Variants in DCUN1D1 observed in about 807,000 individuals in gnomAD.
DCUN1D1 encodes the protein DCN1-like protein 1.
In DCUN1D1, 3 loss-of-function variants were observed where a neutral mutation model predicts 39.0. The observed-to-expected ratio is 0.08, with a 90% confidence interval of 0.04 to 0.20. DCUN1D1 has a LOEUF of 0.20. DCUN1D1 is among the 10% of genes least tolerant of loss of function. The pLI is 1.00. For synonymous variants in DCUN1D1, 82 were observed against 96.3 expected (o/e 0.85, Z 0.87); for missense variants, 158 against 302.4 (o/e 0.52, Z 3.54).
chr3:182,971,686 T>C (rs960545088), intron 1 of DCUN1D1, among the ~76,000 whole-genome samples: 2 of 152,152 alleles, frequency 1.3e-5, no homozygotes, highest in Non-Finnish European at 1.5e-5. Context: ...CCAGGCACTG[T>C]GCTAGGTACT....
chr3:182,973,300 C>T (rs1728043257), intron 1 of DCUN1D1, among the ~76,000 whole-genome samples: 1 of 152,192 alleles, frequency 6.6e-6, no homozygotes, highest in South Asian at 2.1e-4. Context: ...ATCATGCTAA[C>T]TCAGAACAAC....
At chr3:182,975,343 A>AT (rs1382767298) in intron 1 of DCUN1D1, among the ~76,000 whole-genome samples, 4 of 151,686 alleles carry the variant, frequency 2.6e-5, no homozygotes, top group Non-Finnish European at 5.9e-5. Flanking sequence ...CATCCAGCTA[A>AT]TTTTTTGTAT....
At chr3:182,965,397 T>C in intron 2 of DCUN1D1, 140 bp downstream of exon 2, 1 of 506,528 alleles carries the variant, frequency 2.0e-6, no homozygotes. Context: ...TCAGACCTCT[T>C]GAAATAACTC....
In DCUN1D1 at chr3:182,941,065, A is replaced by C. The variant is rs993461623; in HGVS notation, c.*4029T>G. On this transcript the variant is annotated 3_prime_UTR_variant, in exon 7 of 7. Coordinates refer to ENST00000292782, the MANE Select transcript of DCUN1D1 (RefSeq NM_020640.4). ...AGGAAACACTGAACCTAGTCAAATA[A>C]ATGAGTTGGTGAGCAAGAAATGCTA... The C allele has an allele frequency of 1.1e-4, 16 of 152,202 alleles. No individual in the cohort carries two copies. Among genetic ancestry groups the C allele is most frequent in the Non-Finnish European group, 1.3e-4 (9 of 68,018 alleles). The allele number at this position is 152,202 out of a possible 1,614,324, so 9.4% of individuals were successfully genotyped here. A position where few individuals can be genotyped will look rare whatever the true frequency, so the allele number is the denominator to read the frequency against.
Position 182,947,555 on chromosome 3 carries a change from A to C in DCUN1D1, c.598T>G (p.Leu200Val). The change falls in exon 5 of 7, where the codon TTG becomes GTG. Residue 200 changes from leucine (L) to valine (V), a missense_variant. This residue lies in a region of DCUN1D1 where 25 missense variants were observed against 26.3 expected (regional missense o/e 0.95). Transcript: ENST00000292782. ...FKFLDLWNKFLLEHHKRSIPK... is the reference protein window; with the variant it reads ...FKFLDLWNKFVLEHHKRSIPK... ...TGTAGAAAATGTGAACTTACCAACA[A>C]AAATTTATTCCATAAGTCTAAGAAT... The C allele has an allele frequency of 6.4e-7, 1 of 1,559,834 alleles. No homozygotes were observed. The highest frequency in any genetic ancestry group is 8.8e-7 in the Non-Finnish European group (1 of 1,139,978).
chr3:182,959,696 A>G (rs977863438), intron 4 of DCUN1D1, among the ~76,000 whole-genome samples: 2 of 152,130 alleles, frequency 1.3e-5, no homozygotes, highest in Non-Finnish European at 2.9e-5. Context: ...AAATTGGTAA[A>G]CATTAAATGA....
chr3:182,961,804 C>T (rs1727412400), intron 3 of DCUN1D1, among the ~76,000 whole-genome samples: 1 of 152,186 alleles, frequency 6.6e-6, no homozygotes, highest in Non-Finnish European at 1.5e-5. Context: ...TGAAAACTTG[C>T]TTCTTGTTAT....
Position 182,940,062 on chromosome 3 carries a change from A to G in DCUN1D1, c.*5032T>C, listed in dbSNP as rs1161722381. ...CTGATTAAATATTGCTCTTTTAGCT[A>G]TAAGTCATGTAATTATGTGACAAAA... On this transcript the variant is annotated 3_prime_UTR_variant, in exon 7 of 7. Coordinates refer to ENST00000292782, the MANE Select transcript of DCUN1D1 (RefSeq NM_020640.4). The G allele has an allele frequency of 3.9e-5, 6 of 152,194 alleles. No individual in the cohort carries two copies. The highest frequency in any genetic ancestry group is 2.4e-5 in the African/African-American group (1 of 41,452). 9.4% of individuals were successfully genotyped at this position (152,194 alleles called of 1,614,324 possible). A position where few individuals can be genotyped will look rare whatever the true frequency, so the allele number is the denominator to read the frequency against.
intron 4 of DCUN1D1, chr3:182,955,378 T>C: frequency 1.8e-6 from 1 of 541,888 alleles, no homozygotes; most frequent in East Asian, 5.1e-5. Flanking sequence ...CCTGGTTCTT[T>C]ATTGAACAGA....
intron 1 of DCUN1D1, among the ~76,000 whole-genome samples, chr3:182,973,984 C>T (rs895587417): frequency 3.9e-5 from 6 of 152,164 alleles, no homozygotes; most frequent in Non-Finnish European, 7.4e-5. Flanking sequence ...CAGCCGCGCC[C>T]GGCCTTTTAG....
chr3:182,951,425 A>G (rs1039661201), intron 4 of DCUN1D1, among the ~76,000 whole-genome samples: 2 of 151,894 alleles, frequency 1.3e-5, no homozygotes, highest in Non-Finnish European at 2.9e-5. Flanking sequence ...TGTAATCCTG[A>G]ACAACATAGT....
Position 182,945,022 on chromosome 3 carries a change from A to C in DCUN1D1, c.*72T>G. The C allele has an allele frequency of 7.6e-7, 1 of 1,316,164 alleles. No homozygotes were observed. 81.5% of individuals were successfully genotyped at this position (1,316,164 alleles called of 1,614,324 possible). The stretch of plus-strand genomic sequence containing the variant: ...TGATCTTCAGTTCAGTCCAGCCAGC[A>C]GAAATTGACTGTGCAATTTTCTGTT... On this transcript the variant is annotated 3_prime_UTR_variant, in exon 7 of 7. Transcript: ENST00000292782.
chr3:182,980,508 T>C lies in DCUN1D1; in HGVS notation c.-19A>G, dbSNP rs1278093424. On this transcript the variant is annotated 5_prime_UTR_variant, in exon 1 of 7. Coordinates refer to ENST00000292782, the MANE Select transcript of DCUN1D1 (RefSeq NM_020640.4). ...TCACCATGTTGGTGTCCTCCAGGCCTCTCCCCTCCTCCTCCGGCTCCGCAG... is the reference window on the plus strand; with the variant it reads ...TCACCATGTTGGTGTCCTCCAGGCCCCTCCCCTCCTCCTCCGGCTCCGCAG... 1 of 1,238,652 alleles carries C rather than the reference T, an allele frequency of 8.1e-7. No homozygotes were observed. The highest frequency in any genetic ancestry group is 1.6e-5 in the African/African-American group (1 of 62,370). 76.7% of individuals were successfully genotyped at this position (1,238,652 alleles called of 1,614,324 possible).
intron 4 of DCUN1D1, among the ~76,000 whole-genome samples, chr3:182,951,379 C>A (rs1726726426): frequency 6.6e-6 from 1 of 151,756 alleles, no homozygotes; most frequent in South Asian, 2.1e-4. Flanking sequence ...AGCTGATATA[C>A]CAAAATAAGA....
At chr3:182,955,533 A>G (rs1726999649) in intron 4 of DCUN1D1, 10 of 530,452 alleles carry the variant, frequency 1.9e-5, no homozygotes, top group Middle Eastern at 5.4e-4. Context: ...TGTATTTGCT[A>G]TATTTTACAT....
intron 1 of DCUN1D1, among the ~76,000 whole-genome samples, chr3:182,968,619 G>C (rs1420473824): frequency 7.6e-6 from 1 of 131,108 alleles, no homozygotes; most frequent in African/African-American, 2.9e-5. Flanking sequence ...TTTTTTTTTT[G>C]AGACGGAGTC....
Position 182,944,303 on chromosome 3 carries a change from G to C in DCUN1D1, c.*791C>G, listed in dbSNP as rs541374767. On this transcript the variant is annotated 3_prime_UTR_variant, in exon 7 of 7. Coordinates refer to ENST00000292782, the MANE Select transcript of DCUN1D1 (RefSeq NM_020640.4). ...AAGCATAATGAAGTCCAATTATGTA[G>C]TGCATAATGTAGACAGGAGAAGAAT... 1 of 152,734 alleles carries C rather than the reference G, an allele frequency of 6.5e-6. No homozygotes were observed. The highest frequency in any genetic ancestry group is 1.5e-5 in the Non-Finnish European group (1 of 68,030). The allele number at this position is 152,734 out of a possible 1,614,324, so 9.5% of individuals were successfully genotyped here. A position where few individuals can be genotyped will look rare whatever the true frequency, so the allele number is the denominator to read the frequency against.
chr3:182,938,929 C>A lies in DCUN1D1; in HGVS notation c.*6165G>T. On this transcript the variant is annotated 3_prime_UTR_variant, in exon 7 of 7. Coordinates refer to ENST00000292782, the MANE Select transcript of DCUN1D1 (RefSeq NM_020640.4). ...ACAAACAATAACAGAGCCAAAGCAC[C>A]AGCCATCAGCACCACTCTTCGCTGA... 1 of 152,638 alleles carries A rather than the reference C, an allele frequency of 6.6e-6. No homozygotes were observed. The allele number at this position is 152,638 out of a possible 1,614,324, so 9.5% of individuals were successfully genotyped here. A position where few individuals can be genotyped will look rare whatever the true frequency, so the allele number is the denominator to read the frequency against.
chr3:182,970,434 GAAGT>G (rs1440800829), intron 1 of DCUN1D1, among the ~76,000 whole-genome samples: 3 of 152,090 alleles, frequency 2.0e-5, no homozygotes, highest in Admixed American at 6.5e-5. Flanking sequence ...TTGCAAAATA[GAAGT>G]AATTTTAATA....
Sources: gnomAD v4.1 joint callset for allele counts (sites outside exome capture counted in the v4.1 genomes callset) on GRCh38, gnomAD v4.1.1 for gene constraint, gnomAD v4.1.1 regional missense constraint, MANE v1.5 for transcripts, NCBI Gene and HGNC (gene_info 2026-07-23, HGNC 2026-07-21) for gene names.